The following STAB1 variants were observed in gnomAD, a reference collection of about 807,000 sequenced individuals.
The protein encoded by STAB1 is stabilin 1, also known as stabilin-1.
In STAB1, 250 loss-of-function variants were observed where a neutral mutation model predicts 332.4. That is an observed-to-expected ratio of 0.75 (90% confidence interval 0.68 to 0.84). STAB1 has a LOEUF of 0.84. Ranked by LOEUF, STAB1 falls within the 40% of genes least tolerant of loss-of-function variation. The pLI, the probability that STAB1 is intolerant of heterozygous loss-of-function variation, is 0.00. For missense variants in STAB1, 3,249 were observed against 3,489.7 expected (o/e 0.93, Z 1.74); for synonymous variants, 1,475 against 1,390.4 (o/e 1.06, Z -1.35).
At chr3:52,495,524 G>A (rs369202090) in intron 1 of STAB1, 33 bp downstream of exon 1, 77 of 1,301,756 alleles carry the variant, frequency 5.9e-5, no homozygotes, top group Non-Finnish European at 7.1e-5. Context: ...GGCACACGGC[G>A]TCTGGGCCCT....
intron 12 of STAB1, 32 bp from the exon 13 acceptor site, chr3:52,504,971 G>A (rs778566653): frequency 6.2e-7 from 1 of 1,612,984 alleles, no homozygotes; most frequent in East Asian, 2.2e-5. Flanking sequence ...GCTGGCATAT[G>A]GGATCTGGCC....
chr3:52,495,757 T>G (rs9846089), intron 1 of STAB1, among the ~76,000 whole-genome samples: 146,658 of 152,314 alleles, frequency 0.96, 70,656 homozygotes, highest in African/African-American at 0.99. Context: ...GCAGCTGAAG[T>G]GTACAGAGGC....
rs1244393259 is a variant in STAB1, at chr3:52,523,488, C to T, written c.7202C>T (p.Ala2401Val). 6.2e-7 allele frequency: 1 copy of T among 1,612,422 alleles called. No individual in the cohort carries two copies. Among genetic ancestry groups the T allele is most frequent in the Non-Finnish European group, 8.5e-7 (1 of 1,179,570 alleles). Reference sequence around the variant, plus strand: ...AACGCCACCCTCCTAAGTGCCAACGCCAGCCAGGGGAAGTTGCTTCCGGCC... The same window carrying T: ...AACGCCACCCTCCTAAGTGCCAACGTCAGCCAGGGGAAGTTGCTTCCGGCC... ...ASNATLLSANASQGKLLPAHS... is the reference protein window; with the variant it reads ...ASNATLLSANVSQGKLLPAHS... The change falls in exon 65 of 69, where the codon GCC (alanine) becomes GTC (valine). Residue 2401 changes from alanine to valine, a missense_variant. Coordinates refer to ENST00000321725, the MANE Select transcript of STAB1 (RefSeq NM_015136.3).
At chr3:52,506,940 C>A in intron 18 of STAB1, 90 bp downstream of exon 18, 1 of 1,539,150 alleles carries the variant, frequency 6.5e-7, no homozygotes, top group South Asian at 1.3e-5. Flanking sequence ...GGCGCTAAGT[C>A]AGGGCTGGGC....
In STAB1 at chr3:52,516,545, TCAC is replaced by T. The variant is rs754290333; in HGVS notation, c.4247_4249del (p.Thr1416del). 3.1e-5 allele frequency: 50 copies of T among 1,613,130 alleles called. No individual in the cohort carries two copies. Among genetic ancestry groups the T allele is most frequent in the Admixed American group, 5.0e-5 (3 of 60,004 alleles). ...GAGTCATCCTCCTGCCCCCCAGAAA[TCAC>T]CAGCCCTCAGTGCCCTAGGAAGTGC... On this transcript the variant is annotated inframe_deletion, in exon 40 of 69. Transcript: ENST00000321725.
chr3:52,502,576 C>A, intron 5 of STAB1, 56 bp from the exon 6 acceptor site: 1 of 1,474,356 alleles, frequency 6.8e-7, no homozygotes, highest in Non-Finnish European at 9.5e-7. Context: ...ACCCGATGTC[C>A]CAGTGTGTGC....
chr3:52,516,357 G>A lies in STAB1; in HGVS notation c.4146G>A (p.Val1382=). The change falls in exon 39 of 69, where the codon GTG becomes GTA. Residue 1382 remains valine (V), a splice_region_variant and synonymous_variant. Transcript: ENST00000321725. ...LGRYGPNCTG[V]CDCAHGLCQE... is the part of the protein sequence containing the mutation. ...CTATCCTCCTTTATACCACTGCAGTGTGTGACTGTGCCCATGGGCTGTGCC... is the reference window on the plus strand; with the variant it reads ...CTATCCTCCTTTATACCACTGCAGTATGTGACTGTGCCCATGGGCTGTGCC... The A allele has an allele frequency of 1.2e-6, 2 of 1,607,898 alleles. No homozygotes were observed. Among genetic ancestry groups the A allele is most frequent in the Non-Finnish European group, 1.7e-6 (2 of 1,175,776 alleles).
intron 25 of STAB1, 68 bp downstream of exon 25, chr3:52,510,575 C>T (rs970536172): frequency 2.6e-6 from 4 of 1,543,762 alleles, no homozygotes; most frequent in Non-Finnish European, 3.5e-6. Flanking sequence ...CCATCTGACT[C>T]CTGGAATGCA....
intron 43 of STAB1, 66 bp from the exon 44 acceptor site, chr3:52,517,484 C>T: frequency 6.3e-7 from 1 of 1,596,094 alleles, no homozygotes; most frequent in Non-Finnish European, 8.5e-7. Context: ...GGGGGGTGAC[C>T]CTTTTACCCA....
At chr3:52,500,136 G>C (rs1354716132) in intron 1 of STAB1, among the ~76,000 whole-genome samples, 1 of 152,038 alleles carries the variant, frequency 6.6e-6, no homozygotes, top group Non-Finnish European at 1.5e-5. Context: ...CCAGGTTTAC[G>C]GAGCTCCTGC....
chr3:52,517,565 C>T lies in STAB1; in HGVS notation c.4579C>T (p.Arg1527Cys), dbSNP rs777748621. 10 of 1,612,710 alleles carry T rather than the reference C, an allele frequency of 6.2e-6. No homozygotes were observed. Among genetic ancestry groups the T allele is most frequent in the African/African-American group, 2.7e-5 (2 of 74,908 alleles). The change falls in exon 44 of 69, where the codon CGT becomes TGT. Residue 1527 changes from arginine to cysteine, a missense_variant. Arg to Cys is a radical substitution (Grantham distance 180, BLOSUM62 -3). Coordinates refer to ENST00000321725, the MANE Select transcript of STAB1 (RefSeq NM_015136.3). ...TGPQQVSCSC[R>C]EGYSGDGIRT... is the part of the protein sequence containing the mutation. ...CTGGGGACAGGTCTCCTGCAGCTGC[C>T]GTGAGGGTTACAGCGGGGATGGCAT...
rs1709100074 is a variant in STAB1, at chr3:52,509,120, G to A, written c.2236-90G>A. On this transcript the variant is annotated intron_variant, in intron 21 of 68. Coordinates refer to ENST00000321725, the MANE Select transcript of STAB1 (RefSeq NM_015136.3). ...AGCTCTCACGGGTAGCAAGAGCTCAGAGCCAGCCCATGAAAGGAGGGGGTG... is the reference window on the plus strand; with the variant it reads ...AGCTCTCACGGGTAGCAAGAGCTCAAAGCCAGCCCATGAAAGGAGGGGGTG... 2.5e-6 allele frequency: 3 copies of A among 1,209,402 alleles called. No homozygotes were observed. The South Asian group carries it at 4.3e-5, about 17-fold the overall frequency. The allele number at this position is 1,209,402 out of a possible 1,614,324, so 74.9% of individuals were successfully genotyped here.
chr3:52,519,016 G>A (rs1367907489), intron 48 of STAB1, 147 bp downstream of exon 48: 4 of 1,121,448 alleles, frequency 3.6e-6, no homozygotes, highest in East Asian at 2.6e-5. Flanking sequence ...CCGGGACTCC[G>A]CCCTTGACCT....
At chr3:52,503,274 G>C in intron 7 of STAB1, 70 bp from the exon 8 acceptor site, 1 of 1,541,208 alleles carries the variant, frequency 6.5e-7, no homozygotes, top group Non-Finnish European at 8.8e-7. Flanking sequence ...CGGCCTTCCT[G>C]GTGAAAGCTG....
intron 41 of STAB1, 82 bp from the exon 42 acceptor site, chr3:52,516,896 ACCTTTT>A: frequency 6.3e-7 from 1 of 1,599,542 alleles, no homozygotes. Flanking sequence ...CTTCCCTCTG[ACCTTTT>A]CCTTTCTCTC....
At chr3:52,511,775 G>T in intron 26 of STAB1, 30 bp downstream of exon 26, 1 of 1,530,042 alleles carries the variant, frequency 6.5e-7, no homozygotes, top group Non-Finnish European at 8.9e-7. Flanking sequence ...AGAGCCCTGG[G>T]GAAGCTTTCT....
At chr3:52,517,250 G>A (rs1429908116) in intron 42 of STAB1, 70 bp from the exon 43 acceptor site, 6 of 1,483,096 alleles carry the variant, frequency 4.0e-6, no homozygotes, top group South Asian at 2.7e-5. Flanking sequence ...TGGGACAGAT[G>A]AAGGTACAAA....
intron 1 of STAB1, among the ~76,000 whole-genome samples, chr3:52,497,089 C>T (rs1708086296): frequency 6.6e-6 from 1 of 152,298 alleles, no homozygotes; most frequent in South Asian, 2.1e-4. Flanking sequence ...GAAATCTCCA[C>T]CTCCCAGGTT....
Position 52,513,219 on chromosome 3 carries a change from G to C in STAB1, c.3248G>C (p.Trp1083Ser). 6.3e-7 allele frequency: 1 copy of C among 1,582,960 alleles called. No individual in the cohort carries two copies. The highest frequency in any genetic ancestry group is 8.6e-7 in the Non-Finnish European group (1 of 1,165,274). ...EVATLNPTTR[W>S]EIRNISGRVW... ...GCCACCCTGAACCCCACCACACGCT[G>C]GGAGATTCGCAACATTAGTGGGGTA... Residue 1083 changes from tryptophan to serine, a missense_variant, in exon 30 of 69, where the codon TGG becomes TCG. Coordinates refer to ENST00000321725, the MANE Select transcript of STAB1 (RefSeq NM_015136.3).
Sources: gnomAD v4.1 joint callset for allele counts (sites outside exome capture counted in the v4.1 genomes callset) on GRCh38, gnomAD v4.1.1 for gene constraint, MANE v1.5 for transcripts, NCBI Gene and HGNC (gene_info 2026-07-23, HGNC 2026-07-21) for gene names.